Variants in ANO4 observed in about 807,000 individuals in gnomAD.
ANO4 encodes the protein anoctamin-4.
A neutral mutation model predicts 141.9 loss-of-function variants in ANO4; 69 were observed. The observed-to-expected ratio is 0.49, with a 90% confidence interval of 0.40 to 0.59. The LOEUF (loss-of-function observed/expected upper bound fraction) is 0.59, where lower values mean the gene tolerates loss of function less well. ANO4 is among the 20% of genes least tolerant of loss of function. The pLI is 0.00. For synonymous variants in ANO4, 350 were observed against 394.3 expected (o/e 0.89, Z 1.33); for missense variants, 894 against 1,162.2 (o/e 0.77, Z 3.36).
chr12:100,811,054 G>A (rs779981432), intron 1 of ANO4, among the ~76,000 whole-genome samples: 25 of 152,138 alleles, frequency 1.6e-4, no homozygotes, highest in Non-Finnish European at 2.6e-4. Context: ...AAGCAATTTC[G>A]GAGCCTGAGA....
intron 2 of ANO4, among the ~76,000 whole-genome samples, chr12:100,907,172 A>T (rs549650199): frequency 9.9e-5 from 15 of 152,280 alleles, no homozygotes; most frequent in African/African-American, 3.4e-4. Flanking sequence ...TCTCCAATTT[A>T]GCCTCTCCCT....
chr12:100,788,914 A>G (rs1462875902), intron 3 of ANO4, among the ~76,000 whole-genome samples: 2 of 152,114 alleles, frequency 1.3e-5, no homozygotes, highest in African/African-American at 2.4e-5. Context: ...GTGGGGAGTC[A>G]GGGAAGCGTT....
chr12:101,068,740 G>A (rs1042747691), intron 14 of ANO4: 7 of 1,305,296 alleles, frequency 5.4e-6, no homozygotes, highest in Admixed American at 1.7e-5. Context: ...TAAAAATGTT[G>A]CCGATGACTA....
chr12:100,919,476 CAG>C (rs2041505529), intron 2 of ANO4, among the ~76,000 whole-genome samples: 1 of 152,082 alleles, frequency 6.6e-6, no homozygotes, highest in Non-Finnish European at 1.5e-5. Flanking sequence ...GTATTCAGTG[CAG>C]TAACATGCTG....
intron 3 of ANO4, among the ~76,000 whole-genome samples, chr12:100,923,988 G>T (rs922555830): frequency 6.7e-6 from 1 of 149,024 alleles, no homozygotes; most frequent in East Asian, 1.9e-4. Flanking sequence ...GGGGTTGTTT[G>T]TTTTTTTTCT....
chr12:101,075,993 T>A (rs1305499476), intron 14 of ANO4, among the ~76,000 whole-genome samples: 1 of 152,148 alleles, frequency 6.6e-6, no homozygotes, highest in African/African-American at 2.4e-5. Flanking sequence ...CTCAAATGAA[T>A]GGGCATTTCA....
chr12:100,733,686 T>C (rs1437012523), intron 1 of ANO4: 2 of 626,352 alleles, frequency 3.2e-6, no homozygotes, highest in Non-Finnish European at 5.8e-6. Context: ...GGAGAGCTGG[T>C]TTATTTACCA....
At chr12:100,994,660 C>A (rs1283052396) in intron 8 of ANO4, among the ~76,000 whole-genome samples, 1 of 152,030 alleles carries the variant, frequency 6.6e-6, no homozygotes, top group African/African-American at 2.4e-5. Flanking sequence ...AAATTAAATA[C>A]CAGTTCTTAA....
intron 26 of ANO4, among the ~76,000 whole-genome samples, 199 bp downstream of exon 26, chr12:101,120,824 TA>T (rs1427589455): frequency 2.0e-5 from 3 of 152,210 alleles, no homozygotes; most frequent in Non-Finnish European, 4.4e-5. Flanking sequence ...TGAAAGTCCA[TA>T]GTTGGTTTTT....
intron 1 of ANO4, among the ~76,000 whole-genome samples, chr12:100,829,536 A>G (rs558309032): frequency 1.3e-5 from 2 of 152,188 alleles, no homozygotes; most frequent in East Asian, 1.9e-4. Context: ...ACATAGTACA[A>G]TGTGTATGTA....
intron 1 of ANO4, among the ~76,000 whole-genome samples, chr12:100,882,100 G>A (rs745897313): frequency 1.3e-5 from 2 of 152,120 alleles, no homozygotes; most frequent in Non-Finnish European, 2.9e-5. Context: ...AATATCTAAT[G>A]TTTATTGAGT....
chr12:100,958,877 G>A (rs570569251), intron 5 of ANO4, among the ~76,000 whole-genome samples: 27 of 152,210 alleles, frequency 1.8e-4, no homozygotes, highest in African/African-American at 6.0e-4. Context: ...AAAAAAGAAG[G>A]TGATAAATGA....
At chr12:100,957,529 A>C (rs1592835327) in intron 5 of ANO4, among the ~76,000 whole-genome samples, 2 of 152,238 alleles carry the variant, frequency 1.3e-5, no homozygotes, top group Admixed American at 1.3e-4. Context: ...CAAAAATGTC[A>C]TTGGGGAGTA....
chr12:100,879,179 A>G (rs547580192), intron 1 of ANO4, among the ~76,000 whole-genome samples: 1 of 152,334 alleles, frequency 6.6e-6, no homozygotes, highest in East Asian at 1.9e-4. Flanking sequence ...TGCTAGCACT[A>G]TTAAAGTTTC....
At chr12:100,717,284 C>T (rs2030632640), upstream of ANO4, among the ~76,000 whole-genome samples, 1 of 151,820 alleles carries the variant, frequency 6.6e-6, no homozygotes, top group South Asian at 2.1e-4. Flanking sequence ...ACCCGGAGCG[C>T]GGCTGCCGGT....
At chr12:101,116,471 A>G (rs868433861) in intron 24 of ANO4, among the ~76,000 whole-genome samples, 1 of 152,192 alleles carries the variant, frequency 6.6e-6, no homozygotes, top group African/African-American at 2.4e-5. Flanking sequence ...TTCTGCAGAA[A>G]AAGGATGAGA....
At chr12:100,825,192 T>C (rs2036265054) in intron 1 of ANO4, among the ~76,000 whole-genome samples, 1 of 152,050 alleles carries the variant, frequency 6.6e-6, no homozygotes, top group South Asian at 2.1e-4. Flanking sequence ...GTAGCTGCTA[T>C]TGGTTTAGGA....
intron 1 of ANO4, among the ~76,000 whole-genome samples, chr12:100,898,230 A>T (rs2040434073): frequency 6.6e-6 from 1 of 152,222 alleles, no homozygotes; most frequent in Admixed American, 6.5e-5. Flanking sequence ...CTAAGAACAA[A>T]TTGGATGATG....
rs924103239 is a variant in ANO4 at position 101,128,562 on chromosome 12, A to G, written c.*706A>G. ...TTTTCACATTTAAATAGTCATCAAT[A>G]TGAAGCCATGATTAATGCTTGTATA... On this transcript the variant is annotated 3_prime_UTR_variant, in exon 28 of 28. Coordinates refer to ENST00000392977, the MANE Select transcript of ANO4 (RefSeq NM_001286615.2). 1 of 152,690 alleles carries G rather than the reference A, an allele frequency of 6.5e-6. No individual in the cohort carries two copies. 9.5% of individuals were successfully genotyped at this position (152,690 alleles called of 1,614,324 possible). A position where few individuals can be genotyped will look rare whatever the true frequency, so the allele number is the denominator to read the frequency against.
Sources: gnomAD v4.1 joint callset for allele counts (sites outside exome capture counted in the v4.1 genomes callset) on GRCh38, gnomAD v4.1.1 for gene constraint, MANE v1.5 for transcripts, NCBI Gene and HGNC (gene_info 2026-07-23, HGNC 2026-07-21) for gene names.